Variants in AFAP1 observed in about 807,000 individuals in gnomAD.
AFAP1 encodes actin filament associated protein 1, also known as actin filament-associated protein 1.
A neutral mutation model predicts 93.9 loss-of-function variants in AFAP1; 75 were observed. The observed-to-expected ratio is 0.80, with a 90% CI of 0.66 to 0.97. The LOEUF (loss-of-function observed/expected upper bound fraction) is 0.97, where lower values mean the gene tolerates loss of function less well. AFAP1 is among the 50% of genes least tolerant of loss of function. The pLI is 0.00. For synonymous variants in AFAP1, 517 were observed against 430.7 expected (o/e 1.20, Z -2.48); for missense variants, 1,201 against 1,050.8 (o/e 1.14, Z -1.98).
chr4:7,768,722 A>T (rs1438301378), intron 17 of AFAP1, 122 bp downstream of exon 17: 2 of 1,245,736 alleles, frequency 1.6e-6, no homozygotes, highest in African/African-American at 3.1e-5. Flanking sequence ...ATGTCTACTG[A>T]AGGCTGAGTG....
chr4:7,928,452 A>G (rs1720892278), intron 1 of AFAP1, among the ~76,000 whole-genome samples: 2 of 152,066 alleles, frequency 1.3e-5, no homozygotes, highest in African/African-American at 4.8e-5. Flanking sequence ...CAGTGACGCC[A>G]TCTCGGCTCA....
rs538490464 is a variant in AFAP1, at chr4:7,767,123, G to T, written c.2418+1721C>A. Among the ~76,000 whole-genome samples, 30 of 152,316 alleles carry T rather than the reference G, an allele frequency of 2.0e-4. No individual in the cohort carries two copies. In the South Asian group the frequency reaches 2.9e-3, roughly 15 times the overall value. On this transcript the variant is annotated intron_variant, in intron 17 of 17. Coordinates refer to ENST00000420658, the MANE Select transcript of AFAP1 (RefSeq NM_001134647.2). ...CAGAAATCCTGGGGAACCCTGCTCA[G>T]TCCGTCCCCTTCTGATTTCTGCACA...
chr4:7,851,849 C>A (rs1162536462), intron 4 of AFAP1, among the ~76,000 whole-genome samples: 1 of 152,156 alleles, frequency 6.6e-6, no homozygotes, highest in African/African-American at 2.4e-5. Flanking sequence ...GGTCCACTTC[C>A]ATCATGAAGA....
intron 1 of AFAP1, among the ~76,000 whole-genome samples, chr4:7,874,033 T>G (rs554369713): frequency 1.3e-5 from 2 of 152,324 alleles, no homozygotes; most frequent in African/African-American, 4.8e-5. Context: ...TCTACTGAGA[T>G]CAGCAGTGAC....
intron 1 of AFAP1, among the ~76,000 whole-genome samples, chr4:7,922,073 A>C (rs1237052491): frequency 6.6e-6 from 1 of 152,216 alleles, no homozygotes; most frequent in Non-Finnish European, 1.5e-5. Flanking sequence ...CAGTGAGCCA[A>C]GATCACGCCA....
intron 8 of AFAP1, among the ~76,000 whole-genome samples, chr4:7,813,371 A>T (rs1720214250): frequency 6.6e-6 from 1 of 152,250 alleles, no homozygotes; most frequent in Admixed American, 6.5e-5. Context: ...ACAAAAAGAA[A>T]ATGTGTAAAC....
At chr4:7,844,053 G>A (rs1284403529) in intron 4 of AFAP1, among the ~76,000 whole-genome samples, 1 of 152,068 alleles carries the variant, frequency 6.6e-6, no homozygotes, top group Non-Finnish European at 1.5e-5. Context: ...GCCTTTGCCT[G>A]GTAAATGCTC....
intron 1 of AFAP1, among the ~76,000 whole-genome samples, chr4:7,928,574 G>C (rs547039839): frequency 7.9e-5 from 12 of 152,288 alleles, no homozygotes; most frequent in African/African-American, 2.9e-4. Flanking sequence ...TTTTAGTAAA[G>C]ATGGGGTTTC....
chr4:7,822,318 G>A (rs1721037849), intron 6 of AFAP1, among the ~76,000 whole-genome samples: 1 of 152,106 alleles, frequency 6.6e-6, no homozygotes, highest in Non-Finnish European at 1.5e-5. Context: ...GGGGGTCATT[G>A]TGAAAACTAA....
At chr4:7,794,097 G>C (rs1402327761) in intron 10 of AFAP1, among the ~76,000 whole-genome samples, 2 of 152,184 alleles carry the variant, frequency 1.3e-5, no homozygotes, top group Admixed American at 1.3e-4. Flanking sequence ...GCACTAGGGT[G>C]TAAGACAGGA....
chr4:7,771,216 C>T (rs1357470016), intron 16 of AFAP1, among the ~76,000 whole-genome samples: 1 of 152,192 alleles, frequency 6.6e-6, no homozygotes, highest in East Asian at 1.9e-4. Flanking sequence ...GTTTGTAGCA[C>T]ACAGAGGGAA....
intron 6 of AFAP1, among the ~76,000 whole-genome samples, chr4:7,833,087 G>A (rs562761736): frequency 6.6e-6 from 1 of 152,278 alleles, no homozygotes; most frequent in Admixed American, 6.5e-5. Context: ...CTAGACATTG[G>A]CTTAGGCAAG....
At chr4:7,848,099 A>AAGGAAG (rs1713955569) in intron 4 of AFAP1, among the ~76,000 whole-genome samples, 18 of 116,120 alleles carry the variant, frequency 1.6e-4, no homozygotes, top group Non-Finnish European at 2.2e-4. Context: ...AGGGAAGGAA[A>AAGGAAG]GAAGGAAGGA....
intron 6 of AFAP1, among the ~76,000 whole-genome samples, chr4:7,820,472 C>A (rs1024840940): frequency 1.3e-5 from 2 of 152,002 alleles, no homozygotes; most frequent in African/African-American, 4.8e-5. Context: ...AGCCCGTTGG[C>A]GTCAAGGAGT....
At chr4:7,820,781 G>C (rs71601878) in intron 6 of AFAP1, among the ~76,000 whole-genome samples, 2,813 of 152,254 alleles carry the variant, frequency 0.018, 43 homozygotes, top group Admixed American at 0.031. Context: ...GAGGCAGAGA[G>C]GCTAGCACAT....
At chr4:7,856,434 G>A (rs762147283) in intron 3 of AFAP1, among the ~76,000 whole-genome samples, 1 of 152,014 alleles carries the variant, frequency 6.6e-6, no homozygotes, top group African/African-American at 2.4e-5. Context: ...GTAGAGACAG[G>A]GTTTCACCGT....
In AFAP1 at chr4:7,766,904, C is replaced by T. The variant is rs115328621; in HGVS notation, c.2418+1940G>A. Among the ~76,000 whole-genome samples, 239 of 152,336 alleles carry T rather than the reference C, an allele frequency of 1.6e-3. 1 individual carries two copies. The highest frequency in any genetic ancestry group is 5.6e-3 in the African/African-American group (232 of 41,584). ...CCTCTCTTGCGCTCAATGCTCCTCACCGAGAGTTGGAAGGTATTTCAGGAA... is the reference window on the plus strand; with the variant it reads ...CCTCTCTTGCGCTCAATGCTCCTCATCGAGAGTTGGAAGGTATTTCAGGAA... On this transcript the variant is annotated intron_variant, in intron 17 of 17. Transcript: ENST00000420658.
chr4:7,794,774 C>A (rs139715325), intron 10 of AFAP1, among the ~76,000 whole-genome samples: 2 of 152,246 alleles, frequency 1.3e-5, no homozygotes, highest in African/African-American at 4.8e-5. Flanking sequence ...GATTCTCCTA[C>A]CTCACCCTCC....
intron 1 of AFAP1, among the ~76,000 whole-genome samples, chr4:7,917,586 C>A (rs1720155824): frequency 6.6e-6 from 1 of 152,146 alleles, no homozygotes; most frequent in African/African-American, 2.4e-5. Flanking sequence ...AAGGCCGAAA[C>A]AGAAGGTAAA....
Sources: allele counts gnomAD v4.1 joint callset (sites outside exome capture counted in the v4.1 genomes callset), GRCh38; gene constraint gnomAD v4.1.1; transcripts MANE v1.5; gene names NCBI Gene and HGNC (gene_info 2026-07-23, HGNC 2026-07-21).